NELL1: variants seen among roughly 807,000 people sequenced by gnomAD.
NELL1 encodes protein kinase C-binding protein NELL1.
In NELL1, 76 loss-of-function variants were observed where a neutral mutation model predicts 107.4. That is an observed-to-expected ratio of 0.71 (90% confidence interval 0.59 to 0.86). The LOEUF (loss-of-function observed/expected upper bound fraction) is 0.86, where lower values mean the gene tolerates loss of function less well. Among genes scored for constraint, NELL1 ranks in the 40% least tolerant of loss-of-function variants. NELL1 has a pLI of 0.00. For synonymous variants in NELL1, 353 were observed against 341.2 expected (o/e 1.03, Z -0.38); for missense variants, 1,024 against 1,005.5 (o/e 1.02, Z -0.25).
At chr11:21,000,693 C>T (rs939281073) in intron 12 of NELL1, among the ~76,000 whole-genome samples, 4 of 152,172 alleles carry the variant, frequency 2.6e-5, no homozygotes, top group African/African-American at 9.7e-5. Context: ...CTGCAAGATA[C>T]AGCAGAAGAT....
intron 14 of NELL1, among the ~76,000 whole-genome samples, chr11:21,238,113 C>G (rs773715277): frequency 6.6e-6 from 1 of 152,028 alleles, no homozygotes; most frequent in Non-Finnish European, 1.5e-5. Context: ...CTCATTTCTA[C>G]TTCTTGCCCA....
intron 15 of NELL1, among the ~76,000 whole-genome samples, chr11:21,470,377 T>G (rs1854144907): frequency 1.3e-5 from 2 of 152,078 alleles, no homozygotes; most frequent in Non-Finnish European, 2.9e-5. Context: ...CCAATATCAT[T>G]TCTTGCCTTC....
chr11:21,329,723 T>G (rs187275850), intron 14 of NELL1, among the ~76,000 whole-genome samples: 15 of 152,234 alleles, frequency 9.9e-5, no homozygotes, highest in Non-Finnish European at 2.1e-4. Context: ...TTAATGATCC[T>G]TTTTTACTAG....
At chr11:21,160,704 A>C (rs993379514) in intron 13 of NELL1, among the ~76,000 whole-genome samples, 1 of 152,258 alleles carries the variant, frequency 6.6e-6, no homozygotes, top group African/African-American at 2.4e-5. Context: ...TGAGCAATGG[A>C]TATTCTATTT....
At chr11:21,316,450 G>T (rs1176324247) in intron 14 of NELL1, among the ~76,000 whole-genome samples, 1 of 152,164 alleles carries the variant, frequency 6.6e-6, no homozygotes, top group Non-Finnish European at 1.5e-5. Flanking sequence ...CTTACGTGTT[G>T]GTATATTTCC....
At chr11:21,119,371 T>C (rs1855309873) in intron 13 of NELL1, among the ~76,000 whole-genome samples, 1 of 143,922 alleles carries the variant, frequency 6.9e-6, no homozygotes, top group African/African-American at 2.6e-5. Context: ...CCCAACATTT[T>C]TCTTGCTAAA....
intron 13 of NELL1, among the ~76,000 whole-genome samples, chr11:21,173,837 G>A (rs7101364): frequency 0.13 from 20,024 of 151,520 alleles, 1,799 homozygotes; most frequent in African/African-American, 0.22. Flanking sequence ...GACCTAGTGT[G>A]GAGGTCTTTG....
intron 13 of NELL1, among the ~76,000 whole-genome samples, chr11:21,223,632 C>T (rs1857817900): frequency 1.3e-5 from 2 of 151,934 alleles, no homozygotes; most frequent in Admixed American, 1.3e-4. Context: ...GTTTTTTATA[C>T]CCTTTGCTCC....
At chr11:21,291,475 C>T (rs1332813658) in intron 14 of NELL1, among the ~76,000 whole-genome samples, 1 of 152,072 alleles carries the variant, frequency 6.6e-6, no homozygotes, top group Admixed American at 6.6e-5. Context: ...AGATTCACAG[C>T]CCAGTTCTAC....
chr11:21,387,225 A>G (rs1481061416), intron 15 of NELL1, among the ~76,000 whole-genome samples: 2 of 151,920 alleles, frequency 1.3e-5, no homozygotes, highest in East Asian at 2.0e-4. Context: ...CTACCATTCC[A>G]TTAAAATTGC....
At chr11:21,437,647 C>G (rs1334747107) in intron 15 of NELL1, among the ~76,000 whole-genome samples, 2 of 152,254 alleles carry the variant, frequency 1.3e-5, no homozygotes, top group African/African-American at 4.8e-5. Context: ...GCATGGGCCA[C>G]TGTGCCTGGC....
chr11:20,688,285 G>A (rs1165440770), intron 2 of NELL1, among the ~76,000 whole-genome samples: 1 of 151,990 alleles, frequency 6.6e-6, no homozygotes, highest in Non-Finnish European at 1.5e-5. Flanking sequence ...TGTTACTTGG[G>A]TATATTGTGT....
chr11:21,437,484 T>G (rs1853151925), intron 15 of NELL1, among the ~76,000 whole-genome samples: 1 of 152,072 alleles, frequency 6.6e-6, no homozygotes, highest in African/African-American at 2.4e-5. Flanking sequence ...CTCAGCCTCT[T>G]GAGTAGCTGG....
At chr11:21,333,359 A>G (rs886413348) in intron 14 of NELL1, among the ~76,000 whole-genome samples, 11 of 152,080 alleles carry the variant, frequency 7.2e-5, no homozygotes, top group African/African-American at 9.6e-5. Flanking sequence ...CAATGTAGGT[A>G]AACCATTCTT....
intron 14 of NELL1, among the ~76,000 whole-genome samples, chr11:21,234,380 G>A (rs1369873508): frequency 6.6e-6 from 1 of 152,158 alleles, no homozygotes; most frequent in East Asian, 1.9e-4. Context: ...CCCTGTAGGA[G>A]CTTCAGGCCC....
At chr11:21,011,026 T>G (rs1162340448) in intron 12 of NELL1, among the ~76,000 whole-genome samples, 2 of 152,158 alleles carry the variant, frequency 1.3e-5, no homozygotes, top group Admixed American at 1.3e-4. Context: ...GGGGTTTCAA[T>G]GTTCCTGGTT....
Position 21,398,389 on chromosome 11 carries a change from G to A in NELL1, c.1645+27441G>A, listed in dbSNP as rs548697407. 6.6e-4 allele frequency among the ~76,000 whole-genome samples: 100 copies of A among 151,784 alleles called. 1 individual carries two copies. Among genetic ancestry groups the A allele is most frequent in the African/African-American group, 2.1e-3 (85 of 41,462 alleles). ...CTGAAAACCTTGTGTGATTCACTCC[G>A]TCAGCTCTTCTGTTGGGTGATTCAT... On this transcript the variant is annotated intron_variant, in intron 15 of 19. Coordinates refer to ENST00000357134, the MANE Select transcript of NELL1 (RefSeq NM_006157.5).
intron 12 of NELL1, among the ~76,000 whole-genome samples, chr11:21,086,923 C>T (rs1457476626): frequency 6.6e-6 from 1 of 151,538 alleles, no homozygotes; most frequent in Non-Finnish European, 1.5e-5. Flanking sequence ...CCTCCCCCTC[C>T]CCAGTTCAAG....
intron 16 of NELL1, among the ~76,000 whole-genome samples, chr11:21,542,256 A>G (rs1044175650): frequency 2.6e-5 from 4 of 152,104 alleles, no homozygotes; most frequent in Admixed American, 2.0e-4. Context: ...CAGCTGATAA[A>G]TGGCACACAG....
Sources: gnomAD v4.1 joint callset for allele counts (sites outside exome capture counted in the v4.1 genomes callset) on GRCh38, gnomAD v4.1.1 for gene constraint, MANE v1.5 for transcripts, NCBI Gene and HGNC (gene_info 2026-07-23, HGNC 2026-07-21) for gene names.